The following CPA6 variants were observed in gnomAD, a reference collection of about 807,000 sequenced individuals.
The protein encoded by CPA6 is carboxypeptidase B.
In CPA6, 58 loss-of-function variants were observed where a neutral mutation model predicts 63.3. The observed-to-expected ratio is 0.92, with a 90% CI of 0.74 to 1.14. The LOEUF (loss-of-function observed/expected upper bound fraction) is 1.14. Among genes scored for constraint, CPA6 ranks in the 50% most tolerant of loss-of-function variants. CPA6 has a pLI of 0.00. For synonymous variants in CPA6, 185 were observed against 179.0 expected, an observed-to-expected ratio of 1.03 and a Z score of -0.27; for missense variants, 565 against 526.6, an observed-to-expected ratio of 1.07 and a Z score of -0.71.
chr8:67,662,662 A>G (rs1472939978), intron 1 of CPA6, among the ~76,000 whole-genome samples: 2 of 151,790 alleles, frequency 1.3e-5, no homozygotes, highest in African/African-American at 4.8e-5. Context: ...TATAGAATAT[A>G]TACACATATA....
At chr8:67,427,330 C>T (rs999440272) in intron 10 of CPA6, among the ~76,000 whole-genome samples, 9 of 152,120 alleles carry the variant, frequency 5.9e-5, no homozygotes, top group Non-Finnish European at 8.8e-5. Flanking sequence ...TCAAATTTAT[C>T]GTTCCTTGTC....
chr8:67,717,111 C>T (rs894796289), intron 1 of CPA6, among the ~76,000 whole-genome samples: 6 of 152,154 alleles, frequency 3.9e-5, no homozygotes, highest in Non-Finnish European at 8.8e-5. Flanking sequence ...CTCCTCATCC[C>T]CTTCCTTCTG....
At chr8:67,479,442 T>G (rs1337784711) in intron 8 of CPA6, among the ~76,000 whole-genome samples, 1 of 152,240 alleles carries the variant, frequency 6.6e-6, no homozygotes, top group Non-Finnish European at 1.5e-5. Flanking sequence ...GATTCCCTCA[T>G]GCTATGCATG....
intron 8 of CPA6, among the ~76,000 whole-genome samples, chr8:67,440,663 G>A (rs919891405): frequency 2.0e-5 from 3 of 152,174 alleles, no homozygotes; most frequent in Admixed American, 6.6e-5. Flanking sequence ...TTATGCAAAT[G>A]TAGATGGTGT....
intron 8 of CPA6, among the ~76,000 whole-genome samples, chr8:67,462,344 T>C (rs570923297): frequency 6.6e-6 from 1 of 152,346 alleles, no homozygotes; most frequent in African/African-American, 2.4e-5. Flanking sequence ...GTGCATAAAA[T>C]AGCAGCCTCA....
intron 5 of CPA6, among the ~76,000 whole-genome samples, chr8:67,508,854 A>T (rs1014868067): frequency 6.6e-6 from 1 of 152,184 alleles, no homozygotes; most frequent in Non-Finnish European, 1.5e-5. Flanking sequence ...CTTCTGCATT[A>T]GTTAGTTCTC....
At chr8:67,445,243 A>G (rs1051232777) in intron 8 of CPA6, among the ~76,000 whole-genome samples, 2 of 152,166 alleles carry the variant, frequency 1.3e-5, no homozygotes, top group Non-Finnish European at 1.5e-5. Context: ...TTGGGAGGAC[A>G]AGCATATCTA....
chr8:67,467,102 T>A (rs1028589577), intron 8 of CPA6, among the ~76,000 whole-genome samples: 3 of 152,222 alleles, frequency 2.0e-5, no homozygotes. Flanking sequence ...TTTGGGTCAC[T>A]CTTCTCACTA....
At chr8:67,442,771 A>G (rs986194449) in intron 8 of CPA6, among the ~76,000 whole-genome samples, 5 of 152,148 alleles carry the variant, frequency 3.3e-5, no homozygotes, top group Non-Finnish European at 5.9e-5. Flanking sequence ...TAGTTGACTG[A>G]CAGCTCCACT....
rs1166692934 is a variant in CPA6, at chr8:67,728,026, C to T, written c.116+17988G>A. Among the ~76,000 whole-genome samples the T allele has an allele frequency of 2.0e-5, 3 of 149,048 alleles. No homozygotes were observed. In the South Asian group the frequency reaches 6.4e-4, roughly 32 times the overall value. On this transcript the variant is annotated intron_variant, in intron 1 of 10. Transcript: ENST00000297770. ...CCAGGAGGCAGAGCTTGCAGTGAGC[C>T]GAGATAGCACTACAGCACTCTAGCC...
intron 1 of CPA6, among the ~76,000 whole-genome samples, chr8:67,685,064 A>G (rs543779960): frequency 3.3e-5 from 5 of 152,164 alleles, no homozygotes; most frequent in South Asian, 2.1e-4. Flanking sequence ...CCCTATACCT[A>G]TACTCTATAT....
chr8:67,727,860 C>A (rs370411425), intron 1 of CPA6, among the ~76,000 whole-genome samples: 24 of 151,874 alleles, frequency 1.6e-4, no homozygotes, highest in Non-Finnish European at 7.4e-5. Context: ...AGGTGGATCA[C>A]GAGGTCAGGA....
At chr8:67,483,914 T>C (rs758886265) in intron 7 of CPA6, 56 bp from the exon 8 acceptor site, 4 of 1,335,932 alleles carry the variant, frequency 3.0e-6, no homozygotes, top group Non-Finnish European at 4.3e-6. Flanking sequence ...GTTATTCGCA[T>C]GCATTTTAAT....
At chr8:67,548,266 T>TC (rs1230569041) in intron 2 of CPA6, among the ~76,000 whole-genome samples, 1 of 148,884 alleles carries the variant, frequency 6.7e-6, no homozygotes, top group Non-Finnish European at 1.5e-5. Context: ...TTTTTTTTTT[T>TC]CTTGAGACAG....
intron 8 of CPA6, among the ~76,000 whole-genome samples, chr8:67,455,106 C>A (rs570962342): frequency 6.6e-6 from 1 of 152,264 alleles, no homozygotes; most frequent in African/African-American, 2.4e-5. Context: ...TTTGTTGATT[C>A]TGTGAACCCT....
chr8:67,620,081 T>A (rs1043825417), intron 2 of CPA6, among the ~76,000 whole-genome samples: 2 of 152,198 alleles, frequency 1.3e-5, no homozygotes, highest in African/African-American at 4.8e-5. Flanking sequence ...GATGTCTCAA[T>A]TTCCTTGCTG....
chr8:67,621,334 T>C (rs796326801), intron 2 of CPA6, among the ~76,000 whole-genome samples: 13 of 152,316 alleles, frequency 8.5e-5, no homozygotes, highest in African/African-American at 3.1e-4. Context: ...ACCCATTGAA[T>C]GGGGGCATGG....
At chr8:67,491,137 C>G (rs1480092392) in intron 6 of CPA6, among the ~76,000 whole-genome samples, 2 of 150,946 alleles carry the variant, frequency 1.3e-5, no homozygotes, top group Non-Finnish European at 2.9e-5. Context: ...ACTGCGGCAC[C>G]AAAATGGGTG....
chr8:67,489,221 A>T (rs1414458876), intron 6 of CPA6, among the ~76,000 whole-genome samples: 1 of 152,094 alleles, frequency 6.6e-6, no homozygotes, highest in Non-Finnish European at 1.5e-5. Context: ...CTGGGATTAC[A>T]GGCATGAGCT....
Sources: allele counts gnomAD v4.1 joint callset (sites outside exome capture counted in the v4.1 genomes callset), GRCh38; gene constraint gnomAD v4.1.1; transcripts MANE v1.5; gene names NCBI Gene and HGNC (gene_info 2026-07-23, HGNC 2026-07-21).